Variants in KLRG2 observed in about 807,000 individuals in gnomAD.
KLRG2 encodes the protein killer cell lectin like receptor G2.
Under a neutral mutation model 35.4 loss-of-function variants are expected in KLRG2, and 39 were observed. That is an observed-to-expected ratio of 1.10 (90% CI 0.85 to 1.44). The LOEUF is 1.44. KLRG2 is among the 40% of genes most tolerant of loss of function. The pLI, the probability that KLRG2 is intolerant of heterozygous loss-of-function variation, is 0.00. For synonymous variants in KLRG2, 283 were observed against 265.8 expected, an observed-to-expected ratio of 1.06 and a Z score of -0.63; for missense variants, 632 against 570.9, an observed-to-expected ratio of 1.11 and a Z score of -1.09.
chr7:139,455,886 A>G (rs528617427), intron 3 of KLRG2, among the ~76,000 whole-genome samples: 1 of 152,364 alleles, frequency 6.6e-6, no homozygotes, highest in African/African-American at 2.4e-5. Context: ...GAAACTCCCC[A>G]AACGCTCAGC....
At chr7:139,480,123 TGG>T (rs1569416992) in intron 2 of KLRG2, 21 bp downstream of exon 2, 1 of 1,489,696 alleles carries the variant, frequency 6.7e-7, no homozygotes. Context: ...GGAGAGGGGA[TGG>T]GGACTGCAGG....
intron 1 of KLRG2, among the ~76,000 whole-genome samples, chr7:139,482,358 G>A (rs934802183): frequency 5.9e-5 from 9 of 152,102 alleles, no homozygotes; most frequent in Non-Finnish European, 1.3e-4. Context: ...GAAAGTTCGG[G>A]AGTGCGGGTA....
the KLRG2 span, among the ~76,000 whole-genome samples, chr7:139,434,493 GCCCT>G: frequency 1.7e-4 from 26 of 152,288 alleles, no homozygotes; most frequent in African/African-American, 6.0e-4. Flanking sequence ...GCCAAAGCCT[GCCCT>G]CCCTCCCTCT....
At chr7:139,455,362 C>T (rs921930915) in intron 3 of KLRG2, among the ~76,000 whole-genome samples, 4 of 145,920 alleles carry the variant, frequency 2.7e-5, no homozygotes, top group African/African-American at 1.0e-4. Flanking sequence ...CGCTCTGTTG[C>T]CCAGGCTGGA....
chr7:139,472,172 C>T (rs1443091551), intron 3 of KLRG2, among the ~76,000 whole-genome samples: 1 of 152,078 alleles, frequency 6.6e-6, no homozygotes, highest in Admixed American at 6.6e-5. Context: ...GACAGTCCAA[C>T]AAAACGTCAT....
the KLRG2 span, among the ~76,000 whole-genome samples, chr7:139,428,035 CAGGT>C: frequency 1.3e-5 from 2 of 152,092 alleles, no homozygotes; most frequent in African/African-American, 4.8e-5. Context: ...AGTATTGTGA[CAGGT>C]AGGATTCAGC....
chr7:139,463,800 C>T (rs775214446), intron 3 of KLRG2, among the ~76,000 whole-genome samples: 1 of 152,174 alleles, frequency 6.6e-6, no homozygotes, highest in Non-Finnish European at 1.5e-5. Flanking sequence ...CTTCCTGGAC[C>T]ATCACAGATG....
the KLRG2 span, among the ~76,000 whole-genome samples, chr7:139,440,208 C>T: frequency 2.6e-5 from 4 of 152,026 alleles, no homozygotes; most frequent in Admixed American, 6.6e-5. Context: ...CTCCCAGGTT[C>T]GGGCAATTCT....
chr7:139,444,490 G>A, the KLRG2 span, among the ~76,000 whole-genome samples: 6 of 152,126 alleles, frequency 3.9e-5, no homozygotes, highest in African/African-American at 1.2e-4. Context: ...CTGGTAATTC[G>A]GTTTAGATGA....
chr7:139,465,691 C>CAAAAAAAA (rs573464243), intron 3 of KLRG2, among the ~76,000 whole-genome samples: 1 of 95,248 alleles, frequency 1.0e-5, no homozygotes, highest in Non-Finnish European at 2.2e-5. Context: ...GACTCTGTCT[C>CAAAAAAAA]AAAAAAAAAA....
At chr7:139,429,250 G>A in the KLRG2 span, among the ~76,000 whole-genome samples, 4 of 152,284 alleles carry the variant, frequency 2.6e-5, no homozygotes, top group South Asian at 8.3e-4. Flanking sequence ...AGGTTGCAGT[G>A]GGCTGAGATT....
chr7:139,442,154 C>T, the KLRG2 span, among the ~76,000 whole-genome samples: 4 of 152,134 alleles, frequency 2.6e-5, no homozygotes, highest in Non-Finnish European at 4.4e-5. Flanking sequence ...TAGGGACTTG[C>T]CCAGACCCAG....
chr7:139,451,460 ACT>A (rs1320109949), downstream of KLRG2, among the ~76,000 whole-genome samples: 8 of 152,190 alleles, frequency 5.3e-5, no homozygotes, highest in African/African-American at 1.7e-4. Context: ...AGACAGTGAC[ACT>A]GTGCTCCAGC....
At chr7:139,445,106 T>A in the KLRG2 span, among the ~76,000 whole-genome samples, 2 of 148,570 alleles carry the variant, frequency 1.3e-5, no homozygotes, top group African/African-American at 5.0e-5. Context: ...CGAGTTGGAG[T>A]CTCTCATTCT....
intron 3 of KLRG2, among the ~76,000 whole-genome samples, chr7:139,463,180 A>C (rs1362172698): frequency 6.6e-6 from 1 of 152,236 alleles, no homozygotes; most frequent in Admixed American, 6.5e-5. Context: ...AGAAAAACCC[A>C]GCCCAGTTCT....
chr7:139,454,256 C>T (rs549801296), intron 3 of KLRG2, 42 bp from the exon 4 acceptor site: 111 of 994,224 alleles, frequency 1.1e-4, no homozygotes, highest in Middle Eastern at 9.2e-4. Context: ...TGGACACTGG[C>T]GTGGCTTGCC....
At chr7:139,445,797 G>GTATA in the KLRG2 span, among the ~76,000 whole-genome samples, 2 of 99,052 alleles carry the variant, frequency 2.0e-5, no homozygotes, top group African/African-American at 1.5e-4. Context: ...ATATATGTGT[G>GTATA]TATATATATA....
intron 3 of KLRG2, among the ~76,000 whole-genome samples, chr7:139,456,435 G>A (rs932328871): frequency 2.6e-5 from 4 of 151,932 alleles, no homozygotes; most frequent in Admixed American, 1.3e-4. Flanking sequence ...GCACAATCTC[G>A]GCTTACTGCA....
intron 3 of KLRG2, among the ~76,000 whole-genome samples, chr7:139,477,039 G>A (rs1344339149): frequency 6.6e-6 from 1 of 152,152 alleles, no homozygotes; most frequent in Non-Finnish European, 1.5e-5. Context: ...CTGACGGAAG[G>A]AGTGCTGCGT....
Sources: gnomAD v4.1 joint callset for allele counts (sites outside exome capture counted in the v4.1 genomes callset) on GRCh38, gnomAD v4.1.1 for gene constraint, MANE v1.5 for transcripts, NCBI Gene and HGNC (gene_info 2026-07-23, HGNC 2026-07-21) for gene names.